GLYR1: variants seen among roughly 807,000 people sequenced by gnomAD.
GLYR1 encodes glyoxylate reductase 1 homolog.
GLYR1 carries 21 observed loss-of-function variants against 72.7 expected under a neutral mutation model. The ratio of observed to expected loss-of-function variants is 0.29; its 90% CI spans 0.20 to 0.42. The LOEUF (loss-of-function observed/expected upper bound fraction) is 0.42, where lower values mean the gene tolerates loss of function less well. Among genes scored for constraint, GLYR1 ranks in the 10% least tolerant of loss-of-function variants. The probability of loss-of-function intolerance (pLI) is 1.00; values close to 1 mark genes in which losing one functional copy is unlikely to be tolerated. For missense variants in GLYR1, 594 were observed against 712.1 expected (o/e 0.83, Z 1.89); for synonymous variants, 392 against 270.2 (o/e 1.45, Z -4.42).
rs2084824763 is a variant in GLYR1 at position 4,831,895 on chromosome 16, C to G, written c.537+84G>C. On this transcript the variant is annotated intron_variant, in intron 5 of 15. Transcript: ENST00000321919. The stretch of plus-strand genomic sequence containing the variant: ...CATGAGCAGAGTATAGATAAGCATA[C>G]TACATAAGCATACTGTAGAGCTTAA... 8 of 1,524,308 alleles carry G rather than the reference C, an allele frequency of 5.2e-6. No homozygotes were observed. In the Admixed American group the frequency reaches 6.3e-5, roughly 12 times the overall value. 94.4% of individuals were successfully genotyped at this position (1,524,308 alleles called of 1,614,324 possible).
chr16:4,830,588 C>T (rs1199886462), intron 5 of GLYR1, among the ~76,000 whole-genome samples: 1 of 152,218 alleles, frequency 6.6e-6, no homozygotes, highest in Non-Finnish European at 1.5e-5. Context: ...ATTTTTGAGC[C>T]TTGATCCAAG....
At chr16:4,844,064 A>C (rs955795003) in intron 3 of GLYR1, among the ~76,000 whole-genome samples, 2 of 148,956 alleles carry the variant, frequency 1.3e-5, no homozygotes, top group Non-Finnish European at 3.0e-5. Flanking sequence ...CAGTGAGCTG[A>C]GATCATGCCA....
At chr16:4,812,482 C>T (rs2083374175) in intron 12 of GLYR1, among the ~76,000 whole-genome samples, 1 of 152,032 alleles carries the variant, frequency 6.6e-6, no homozygotes, top group Admixed American at 6.6e-5. Context: ...ACACAGGAAC[C>T]CAACTGACTT....
chr16:4,817,851 G>A, intron 9 of GLYR1, 154 bp from the exon 10 acceptor site: 1 of 624,836 alleles, frequency 1.6e-6, no homozygotes. Context: ...TGCAGAGCCA[G>A]GGGCGTCATG....
intron 15 of GLYR1, among the ~76,000 whole-genome samples, chr16:4,810,599 C>G (rs1224023745): frequency 6.7e-6 from 1 of 148,248 alleles, no homozygotes; most frequent in Non-Finnish European, 1.5e-5. Context: ...TGTAGTGGCT[C>G]ACACCTGTAA....
intron 15 of GLYR1, among the ~76,000 whole-genome samples, chr16:4,809,031 A>T (rs2083165412): frequency 6.6e-6 from 1 of 151,884 alleles, no homozygotes; most frequent in Non-Finnish European, 1.5e-5. Flanking sequence ...TAGACATGCT[A>T]ATTAAAAGGC....
At chr16:4,817,776 C>A in intron 9 of GLYR1, 79 bp from the exon 10 acceptor site, 1 of 902,032 alleles carries the variant, frequency 1.1e-6, no homozygotes, top group South Asian at 1.3e-5. Context: ...GCACAAGGCT[C>A]GCTCCCTTAT....
intron 9 of GLYR1, among the ~76,000 whole-genome samples, chr16:4,820,493 G>C (rs1397055362): frequency 2.0e-5 from 3 of 152,094 alleles, no homozygotes; most frequent in Non-Finnish European, 2.9e-5. Flanking sequence ...ACCCTATCCT[G>C]ATCATTTTTT....
chr16:4,816,353 G>A (rs1026539573), intron 10 of GLYR1, among the ~76,000 whole-genome samples: 2 of 151,896 alleles, frequency 1.3e-5, no homozygotes, highest in African/African-American at 2.4e-5. Context: ...ATGTTGTCCA[G>A]GCTGGTCTCA....
rs577232174 is a variant in GLYR1 at position 4,842,198 on chromosome 16, C to T, written c.155+2876G>A. Among the ~76,000 whole-genome samples, 11 of 151,348 alleles carry T rather than the reference C, an allele frequency of 7.3e-5. No homozygotes were observed. In the East Asian group the frequency reaches 1.2e-3, roughly 16 times the overall value. Reference sequence around the variant, plus strand: ...GGTGGAGCTTGTAGTGAGCCAAGATCGCGCCACTGCACTCCAGCCTGGGCG... The same window carrying T: ...GGTGGAGCTTGTAGTGAGCCAAGATTGCGCCACTGCACTCCAGCCTGGGCG... On this transcript the variant is annotated intron_variant, in intron 3 of 15. Transcript: ENST00000321919.
Position 4,817,591 on chromosome 16 carries a change from T to C in GLYR1, c.906+7A>G. The C allele has an allele frequency of 1.3e-6, 2 of 1,583,400 alleles. No individual in the cohort carries two copies. Among genetic ancestry groups the C allele is most frequent in the Non-Finnish European group, 8.7e-7 (1 of 1,151,928 alleles). On this transcript the variant is annotated splice_region_variant and intron_variant, in intron 10 of 15. Transcript: ENST00000321919. The stretch of plus-strand genomic sequence containing the variant: ...CGATCCAACAGGCACCACCCCTGAA[T>C]GCTTACTTTCTCTGCAGTGCGGTTC...
intron 15 of GLYR1, among the ~76,000 whole-genome samples, chr16:4,807,127 T>C (rs1476984829): frequency 2.0e-5 from 3 of 148,098 alleles, no homozygotes; most frequent in African/African-American, 7.5e-5. Flanking sequence ...TTTTTTTTTT[T>C]TTGAGACGGA....
chr16:4,841,457 C>CA (rs1160441336), intron 3 of GLYR1, among the ~76,000 whole-genome samples: 8,749 of 31,856 alleles, frequency 0.27, 2,256 homozygotes, highest in South Asian at 0.41. Context: ...CTTGTCTCTA[C>CA]AAAAAAAAAA....
chr16:4,817,560 C>G, intron 10 of GLYR1, 38 bp downstream of exon 10: 1 of 1,275,048 alleles, frequency 7.8e-7, no homozygotes, highest in Non-Finnish European at 1.1e-6. Context: ...TTACCCCAGA[C>G]TCCACCGATC....
intron 5 of GLYR1, among the ~76,000 whole-genome samples, chr16:4,830,423 G>A (rs1228231695): frequency 2.0e-5 from 3 of 152,144 alleles, no homozygotes; most frequent in Admixed American, 1.3e-4. Flanking sequence ...CCTGTGGACA[G>A]AGCATGACCT....
chr16:4,835,035 A>C (rs983071882), intron 3 of GLYR1, among the ~76,000 whole-genome samples: 20 of 152,328 alleles, frequency 1.3e-4, no homozygotes, highest in African/African-American at 4.6e-4. Context: ...ATGAAGCTTA[A>C]GGAGTCGTGA....
chr16:4,805,275 G>C lies in GLYR1; in HGVS notation c.1623C>G (p.Asp541Glu). Residue 541 changes from aspartate to glutamate, a missense_variant, in exon 16 of 16, where the codon GAC (aspartate) becomes GAG (glutamate). Asp to Glu is a conservative substitution (Grantham distance 45, BLOSUM62 2). Around this residue, in one of 5 missense-constraint regions of GLYR1, gnomAD observed 10 missense variants for 38.0 expected, o/e 0.26. Coordinates refer to ENST00000321919, the MANE Select transcript of GLYR1 (RefSeq NM_032569.4). ...CTCGGTACACGGCGGACATATCGTT[G>C]TCAGACTGGTCCAGCGCCTTGGCTC... ...YKRAKALDQS[D>E]NDMSAVYRAY... The C allele has an allele frequency of 6.2e-7, 1 of 1,614,074 alleles. No individual in the cohort carries two copies. The highest frequency in any genetic ancestry group is 8.5e-7 in the Non-Finnish European group (1 of 1,180,018).
Position 4,843,639 on chromosome 16 carries a change from A to G in GLYR1, c.155+1435T>C, listed in dbSNP as rs758454882. ...AAACCAGGAAGAGCATCTGACATAT[A>G]AACTCCTGGATGAGTGAAGAATACT... On this transcript the variant is annotated intron_variant, in intron 3 of 15. Transcript: ENST00000321919. 41 of 1,288,888 alleles carry G rather than the reference A, an allele frequency of 3.2e-5. No homozygotes were observed. In the Middle Eastern group the frequency reaches 3.6e-3, roughly 115 times the overall value. The allele number at this position is 1,288,888 out of a possible 1,614,324, so 79.8% of individuals were successfully genotyped here.
At chr16:4,842,269 A>C (rs575500886) in intron 3 of GLYR1, among the ~76,000 whole-genome samples, 100 of 152,000 alleles carry the variant, frequency 6.6e-4, no homozygotes, top group African/African-American at 2.3e-3. Flanking sequence ...ACAACAAAAA[A>C]AAACAAACAG....
Sources: allele counts gnomAD v4.1 joint callset (sites outside exome capture counted in the v4.1 genomes callset), GRCh38; gene constraint gnomAD v4.1.1; regional missense constraint gnomAD v4.1.1; transcripts MANE v1.5; gene names NCBI Gene and HGNC (gene_info 2026-07-23, HGNC 2026-07-21).